GTF2E1: variants seen among roughly 807,000 people sequenced by gnomAD.
GTF2E1 encodes the protein TFIIE alpha subunit.
A neutral mutation model predicts 34.9 loss-of-function variants in GTF2E1; 14 were observed. The ratio of observed to expected loss-of-function variants is 0.40; its 90% confidence interval spans 0.27 to 0.63. The LOEUF (loss-of-function observed/expected upper bound fraction) is 0.63. GTF2E1 is among the 20% of genes least tolerant of loss of function. The pLI is 0.39. For missense variants in GTF2E1, 469 were observed against 557.7 expected, an observed-to-expected ratio of 0.84 and a Z score of 1.60; for synonymous variants, 188 against 192.9, an observed-to-expected ratio of 0.97 and a Z score of 0.21.
chr3:120,761,598 C>T (rs949507660), intron 2 of GTF2E1, among the ~76,000 whole-genome samples: 3 of 152,118 alleles, frequency 2.0e-5, no homozygotes, highest in Non-Finnish European at 4.4e-5. Context: ...TTAAATGTAT[C>T]CCAGAGATTC....
At chr3:120,747,229 T>G (rs1281554385) in intron 1 of GTF2E1, among the ~76,000 whole-genome samples, 2 of 150,936 alleles carry the variant, frequency 1.3e-5, no homozygotes, top group African/African-American at 2.4e-5. Flanking sequence ...TTTATTTTAT[T>G]TTTTATTTTT....
rs754462901 is a variant in GTF2E1, at chr3:120,750,505, G to C, written c.-30-18G>C. 2.1e-6 allele frequency: 3 copies of C among 1,435,946 alleles called. No homozygotes were observed. The highest frequency in any genetic ancestry group is 1.9e-6 in the Non-Finnish European group (2 of 1,040,744). The allele number at this position is 1,435,946 out of a possible 1,614,324, so 89.0% of individuals were successfully genotyped here. On this transcript the variant is annotated intron_variant, in intron 1 of 4. Transcript: ENST00000283875. ...TGTTCTTATACCTGGCTAATTTTCT[G>C]TTTTTTTTTGAATTCAGTATATTTA... is the stretch of plus-strand genomic sequence containing the variant.
intron 2 of GTF2E1, among the ~76,000 whole-genome samples, chr3:120,762,237 G>A (rs140400184): frequency 2.5e-3 from 388 of 152,244 alleles, no homozygotes; most frequent in Admixed American, 4.0e-3. Flanking sequence ...GGTCCGCTTG[G>A]TCTAGAGCTG....
chr3:120,760,610 G>A (rs1471802751), intron 2 of GTF2E1, among the ~76,000 whole-genome samples: 1 of 152,148 alleles, frequency 6.6e-6, no homozygotes, highest in African/African-American at 2.4e-5. Flanking sequence ...TCAATACCTA[G>A]TTTATTGAGA....
In GTF2E1 at chr3:120,781,718, T is replaced by C; in HGVS notation, c.*248T>C. 3.6e-6 allele frequency: 1 copy of C among 277,712 alleles called. No individual in the cohort carries two copies. The highest frequency in any genetic ancestry group is 6.8e-6 in the Non-Finnish European group (1 of 146,566). 17.2% of individuals were successfully genotyped at this position (277,712 alleles called of 1,614,324 possible). A position where few individuals can be genotyped will look rare whatever the true frequency, so the allele number is the denominator to read the frequency against. ...ATATTTTACTGTATTTTCTTTTCTT[T>C]TTTTTTTTTTTTTGGAGATGAAGTC... is the stretch of plus-strand genomic sequence containing the variant. On this transcript the variant is annotated 3_prime_UTR_variant, in exon 5 of 5. Transcript: ENST00000283875.
intron 2 of GTF2E1, among the ~76,000 whole-genome samples, chr3:120,763,792 G>C (rs910256721): frequency 5.9e-5 from 9 of 152,074 alleles, no homozygotes; most frequent in African/African-American, 2.2e-4. Context: ...TTCCCGTGTA[G>C]ACTATTTGTC....
In GTF2E1 at chr3:120,762,875, C is replaced by T. The variant is rs142987019; in HGVS notation, c.449-7853C>T. Among the ~76,000 whole-genome samples, 1,164 of 152,186 alleles carry T rather than the reference C, an allele frequency of 7.6e-3. 15 individuals are homozygous for T. The highest frequency in any genetic ancestry group is 0.027 in the African/African-American group (1,104 of 41,518). On this transcript the variant is annotated intron_variant, in intron 2 of 4. Coordinates refer to ENST00000283875, the MANE Select transcript of GTF2E1 (RefSeq NM_005513.3). ...TTTATACTTACTCTTTGATTTGGAA[C>T]ATATTTGACATTCTAAAAGTATGGA...
chr3:120,781,454 A>C lies in GTF2E1; in HGVS notation c.1304A>C (p.Glu435Ala), dbSNP rs755217719. 1.2e-6 allele frequency: 2 copies of C among 1,612,162 alleles called. No homozygotes were observed. Among genetic ancestry groups the C allele is most frequent in the East Asian group, 4.5e-5 (2 of 44,808 alleles). ...AYIAMGQRMF[E>A]DLFE is the part of the protein sequence containing the mutation. ...ATAGCAATGGGACAACGCATGTTTG[A>C]GGACCTCTTTGAGTGAGCTTTCCCT... Residue 435 changes from glutamate to alanine, a missense_variant, in exon 5 of 5, where the codon GAG (glutamate) becomes GCG (alanine). By Grantham distance (107) the Glu-to-Ala change is moderately radical. Transcript: ENST00000283875.
chr3:120,771,300 C>T (rs1297947966), intron 3 of GTF2E1, among the ~76,000 whole-genome samples: 1 of 152,082 alleles, frequency 6.6e-6, no homozygotes, highest in East Asian at 1.9e-4. Flanking sequence ...TTAAGGAATT[C>T]AGCATTTTCT....
intron 3 of GTF2E1, among the ~76,000 whole-genome samples, chr3:120,774,281 T>A (rs1204245569): frequency 6.6e-6 from 1 of 151,124 alleles, no homozygotes; most frequent in Non-Finnish European, 1.5e-5. Context: ...TTGAAAGGAG[T>A]CAGAGAGACA....
At chr3:120,773,829 ATGTC>A (rs1709375984) in intron 3 of GTF2E1, among the ~76,000 whole-genome samples, 1 of 152,204 alleles carries the variant, frequency 6.6e-6, no homozygotes, top group Non-Finnish European at 1.5e-5. Context: ...TTATGGTCAA[ATGTC>A]TGCTGCCTCA....
intron 3 of GTF2E1, among the ~76,000 whole-genome samples, chr3:120,771,606 T>C (rs114517343): frequency 1.8e-3 from 274 of 152,286 alleles, no homozygotes; most frequent in African/African-American, 6.4e-3. Context: ...GGGATATCTT[T>C]ATTTAACCTT....
chr3:120,772,072 G>A (rs1438460276), intron 3 of GTF2E1, among the ~76,000 whole-genome samples: 1 of 152,164 alleles, frequency 6.6e-6, no homozygotes. Flanking sequence ...ACCATGAGGG[G>A]AGCTAGTCTA....
At chr3:120,767,358 G>A (rs569324726) in intron 2 of GTF2E1, among the ~76,000 whole-genome samples, 1 of 152,262 alleles carries the variant, frequency 6.6e-6, no homozygotes, top group African/African-American at 2.4e-5. Flanking sequence ...TATAAAAAGT[G>A]TCTCCTTCCA....
intron 2 of GTF2E1, among the ~76,000 whole-genome samples, chr3:120,760,645 A>G (rs1002848371): frequency 8.5e-5 from 13 of 152,196 alleles, no homozygotes; most frequent in African/African-American, 2.9e-4. Flanking sequence ...GGGCTGTTGA[A>G]TTTTGTCAAA....
chr3:120,765,862 G>T (rs1234214613), intron 2 of GTF2E1, among the ~76,000 whole-genome samples: 2 of 152,106 alleles, frequency 1.3e-5, no homozygotes, highest in Non-Finnish European at 2.9e-5. Context: ...TTTGCCTAAA[G>T]AATCTTTGTA....
At chr3:120,746,361 T>C (rs1349973074) in intron 1 of GTF2E1, among the ~76,000 whole-genome samples, 1 of 151,958 alleles carries the variant, frequency 6.6e-6, no homozygotes, top group Non-Finnish European at 1.5e-5. Flanking sequence ...TGGTGGTGCA[T>C]GCCTATAGTC....
intron 1 of GTF2E1, among the ~76,000 whole-genome samples, chr3:120,744,779 G>A (rs1036596583): frequency 6.6e-6 from 1 of 151,876 alleles, no homozygotes; most frequent in African/African-American, 2.4e-5. Flanking sequence ...CCTCATATTG[G>A]TATAAGAGTC....
Position 120,781,278 on chromosome 3 carries a change from A to G in GTF2E1, c.1128A>G (p.Lys376=). ...GTCCGGCAGCTGTGGCTGTGCATAA[A>G]CGAGAAGAGGATGAAGAGGAAGATG... ...PPRPAAVAVH[K]REEDEEEDDE... The change falls in exon 5 of 5, where the codon AAA becomes AAG. Residue 376 remains lysine (K), a synonymous_variant. Transcript: ENST00000283875. 1.2e-6 allele frequency: 2 copies of G among 1,614,106 alleles called. No individual in the cohort carries two copies. Among genetic ancestry groups the G allele is most frequent in the Non-Finnish European group, 1.7e-6 (2 of 1,179,998 alleles).
Sources: gnomAD v4.1 joint callset for allele counts (sites outside exome capture counted in the v4.1 genomes callset) on GRCh38, gnomAD v4.1.1 for gene constraint, MANE v1.5 for transcripts, NCBI Gene and HGNC (gene_info 2026-07-23, HGNC 2026-07-21) for gene names.